Variants in IL18RAP observed in about 807,000 individuals in gnomAD.
The protein encoded by IL18RAP is interleukin-18 receptor accessory protein.
Under a neutral mutation model 58.1 loss-of-function variants are expected in IL18RAP, and 37 were observed. That is an observed-to-expected ratio of 0.64 (90% CI 0.49 to 0.84). The LOEUF (loss-of-function observed/expected upper bound fraction) is 0.84. IL18RAP is among the 40% of genes least tolerant of loss of function. The probability of loss-of-function intolerance (pLI) is 0.00; values close to 1 mark genes in which losing one functional copy is unlikely to be tolerated. For missense variants in IL18RAP, 667 were observed against 704.8 expected (o/e 0.95, Z 0.61); for synonymous variants, 268 against 257.5 (o/e 1.04, Z -0.39).
At chr2:102,419,869 T>C (rs1311090074), upstream of IL18RAP, 1 of 152,204 alleles carries the variant, frequency 6.6e-6, no homozygotes, top group Non-Finnish European at 1.5e-5. Flanking sequence ...ATCTGTAATA[T>C]GAGAAAGACA....
At position 102,437,186 on chromosome 2, in the gene IL18RAP, T is replaced by A. The variant is rs776305910; in HGVS notation, c.580-26T>A. On this transcript the variant is annotated intron_variant, in intron 3 of 9. Transcript: ENST00000687160. The stretch of plus-strand genomic sequence containing the variant: ...ATAAAGTTTTTCTGTGGCAAATTTA[T>A]CTGCTTAAAATATCTTTTGGATTAG... 2.5e-6 allele frequency: 4 copies of A among 1,581,292 alleles called. No individual in the cohort carries two copies. The South Asian group carries it at 4.7e-5, about 19-fold the overall frequency.
At chr2:102,425,354 C>T (rs1289805393) in intron 3 of IL18RAP, among the ~76,000 whole-genome samples, 1 of 152,098 alleles carries the variant, frequency 6.6e-6, no homozygotes, top group Non-Finnish European at 1.5e-5. Flanking sequence ...GATACAGTTA[C>T]CATGGTAAGA....
At position 102,450,923 on chromosome 2, in the gene IL18RAP, G is replaced by A. The variant is rs759813606; in HGVS notation, c.1286G>A (p.Ser429Asn). The change falls in exon 9 of 10, where the codon AGT (serine) becomes AAT (asparagine). Residue 429 changes from serine to asparagine, a missense_variant. Physicochemically the swap from Ser to Asn is conservative, Grantham distance 46. Coordinates refer to ENST00000687160, the MANE Select transcript of IL18RAP (RefSeq NM_001393487.1). ...SFPSEATSSL[S>N]EEHLALSLFP... Reference sequence around the variant, plus strand: ...CCAAGTGAGGCCACTTCATCTCTGAGTGAAGAACACTTGGCCCTGAGCCTA... The same window carrying A: ...CCAAGTGAGGCCACTTCATCTCTGAATGAAGAACACTTGGCCCTGAGCCTA... 2 of 1,613,064 alleles carry A rather than the reference G, an allele frequency of 1.2e-6. No individual in the cohort carries two copies. The highest frequency in any genetic ancestry group is 1.1e-5 in the South Asian group (1 of 90,692).
At chr2:102,436,017 A>G (rs537933359) in intron 3 of IL18RAP, among the ~76,000 whole-genome samples, 1 of 152,238 alleles carries the variant, frequency 6.6e-6, no homozygotes, top group African/African-American at 2.4e-5. Flanking sequence ...TCCTATGAGG[A>G]TTAACTGTAA....
chr2:102,423,640 A>G (rs1228102466), intron 1 of IL18RAP, among the ~76,000 whole-genome samples, 171 bp from the exon 2 acceptor site: 2 of 152,162 alleles, frequency 1.3e-5, no homozygotes, highest in Non-Finnish European at 2.9e-5. Flanking sequence ...GCTGGAGTCC[A>G]CTGGGAGGGA....
chr2:102,447,010 C>T, intron 7 of IL18RAP, 60 bp from the exon 8 acceptor site: 4 of 1,558,732 alleles, frequency 2.6e-6, no homozygotes, highest in South Asian at 1.2e-5. Context: ...CCGGCCTGAA[C>T]ATGGTCTTGG....
chr2:102,424,826 A>G (rs984033917), intron 3 of IL18RAP, among the ~76,000 whole-genome samples: 6 of 152,350 alleles, frequency 3.9e-5, no homozygotes, highest in Admixed American at 3.9e-4. Flanking sequence ...AGCCTGAAAT[A>G]CATTCCCAAA....
At chr2:102,446,895 C>T (rs1383834458) in intron 7 of IL18RAP, among the ~76,000 whole-genome samples, 175 bp from the exon 8 acceptor site, 1 of 152,046 alleles carries the variant, frequency 6.6e-6, no homozygotes, top group Admixed American at 6.5e-5. Flanking sequence ...AAGTAGTATT[C>T]CATGGTGTGA....
At chr2:102,426,739 C>T (rs902032392) in intron 3 of IL18RAP, among the ~76,000 whole-genome samples, 1 of 152,102 alleles carries the variant, frequency 6.6e-6, no homozygotes. Flanking sequence ...CATCACCTTG[C>T]TTACTTTTTT....
In IL18RAP at chr2:102,452,206, T is replaced by G. The variant is rs1233062627; in HGVS notation, c.*25T>G. ...AAATGAGCCCTGGAGCCCCCTCCAG[T>G]CCAGTCCCTGGGATAGAGATGTTGC... On this transcript the variant is annotated 3_prime_UTR_variant, in exon 10 of 10. Coordinates refer to ENST00000687160, the MANE Select transcript of IL18RAP (RefSeq NM_001393487.1). 6.4e-7 allele frequency: 1 copy of G among 1,561,470 alleles called. No individual in the cohort carries two copies. Among genetic ancestry groups the G allele is most frequent in the Non-Finnish European group, 8.7e-7 (1 of 1,155,228 alleles).
At chr2:102,435,744 T>A (rs1361652800) in intron 3 of IL18RAP, among the ~76,000 whole-genome samples, 1 of 152,116 alleles carries the variant, frequency 6.6e-6, no homozygotes, top group Non-Finnish European at 1.5e-5. Flanking sequence ...AAATCGATAA[T>A]ACTGCAGTAT....
intron 3 of IL18RAP, chr2:102,432,471 T>C (rs1238398881): frequency 6.5e-6 from 1 of 154,372 alleles, no homozygotes; most frequent in Non-Finnish European, 1.5e-5. Context: ...AATACTGTTG[T>C]TAGAATGTGT....
intron 6 of IL18RAP, among the ~76,000 whole-genome samples, chr2:102,443,992 C>T (rs1215920876): frequency 2.0e-5 from 3 of 152,148 alleles, no homozygotes; most frequent in Non-Finnish European, 2.9e-5. Context: ...AAAAGTTGAT[C>T]TCCAGTCCCC....
At chr2:102,419,937 G>A (rs1425903195), upstream of IL18RAP, 1 of 152,218 alleles carries the variant, frequency 6.6e-6, no homozygotes, top group Non-Finnish European at 1.5e-5. Flanking sequence ...ATTCCCATAA[G>A]CAGAGTCTGA....
chr2:102,433,406 T>C (rs1327831061), intron 3 of IL18RAP, among the ~76,000 whole-genome samples: 3 of 152,140 alleles, frequency 2.0e-5, no homozygotes, highest in Admixed American at 1.3e-4. Context: ...AAATTTTTTG[T>C]AGAGAAGGGG....
intron 3 of IL18RAP, chr2:102,435,107 G>A (rs1048239632): frequency 3.9e-5 from 6 of 152,184 alleles, no homozygotes; most frequent in Admixed American, 1.3e-4. Flanking sequence ...ATAGACAACA[G>A]AAACAGAAAA....
intron 5 of IL18RAP, among the ~76,000 whole-genome samples, chr2:102,442,395 C>A (rs1683159814): frequency 6.6e-6 from 1 of 151,892 alleles, no homozygotes; most frequent in Non-Finnish European, 1.5e-5. Flanking sequence ...TATAAGATCA[C>A]TAGATGGCAG....
chr2:102,431,321 T>C (rs1410604908), intron 3 of IL18RAP, among the ~76,000 whole-genome samples: 1 of 152,216 alleles, frequency 6.6e-6, no homozygotes, highest in Non-Finnish European at 1.5e-5. Flanking sequence ...ACATGATATG[T>C]TTCTCATCTC....
Position 102,451,890 on chromosome 2 carries a change from T to G in IL18RAP, c.1509T>G (p.Asp503Glu). The change falls in exon 10 of 10, where the codon GAT (aspartate) becomes GAG (glutamate). Residue 503 changes from aspartate (D) to glutamate (E), a missense_variant. Physicochemically the swap from Asp to Glu is conservative, Grantham distance 45. Transcript: ENST00000687160. ...ELQAAVNLAL[D>E]DQTLKLILIK... ...AAGCAGCAGTGAATCTTGCCTTGGA[T>G]GATCAAACACTGAAACTCATTTTAA... 4 of 1,614,218 alleles carry G rather than the reference T, an allele frequency of 2.5e-6. No homozygotes were observed. Among genetic ancestry groups the G allele is most frequent in the Non-Finnish European group, 3.4e-6 (4 of 1,180,034 alleles).
Sources: gnomAD v4.1 joint callset for allele counts (sites outside exome capture counted in the v4.1 genomes callset) on GRCh38, gnomAD v4.1.1 for gene constraint, MANE v1.5 for transcripts, NCBI Gene and HGNC (gene_info 2026-07-23, HGNC 2026-07-21) for gene names.